The following SLC25A42 variants were observed in gnomAD, a reference collection of about 807,000 sequenced individuals.
The protein encoded by SLC25A42 is solute carrier family 25 member 42, also known as mitochondrial coenzyme A transporter SLC25A42.
Under a neutral mutation model 34.7 loss-of-function variants are expected in SLC25A42, and 19 were observed. That is an observed-to-expected ratio of 0.55 (90% CI 0.38 to 0.80). SLC25A42 has a LOEUF of 0.80. SLC25A42 is among the 30% of genes least tolerant of loss of function. The pLI, the probability that SLC25A42 is intolerant of heterozygous loss-of-function variation, is 0.00. For missense variants in SLC25A42, 364 were observed against 441.3 expected (o/e 0.82, Z 1.57); for synonymous variants, 205 against 191.2 (o/e 1.07, Z -0.59).
intron 1 of SLC25A42, among the ~76,000 whole-genome samples, chr19:19,070,940 G>A (rs1269684205): frequency 6.6e-6 from 1 of 150,976 alleles, no homozygotes; most frequent in Non-Finnish European, 1.5e-5. Flanking sequence ...GAAGGTGGAG[G>A]CATCCAGATG....
chr19:19,092,355 C>T (rs1183587963), intron 1 of SLC25A42, among the ~76,000 whole-genome samples: 1 of 152,246 alleles, frequency 6.6e-6, no homozygotes, highest in African/African-American at 2.4e-5. Flanking sequence ...TGCTCTGTCA[C>T]CTGCAGGGCC....
rs566597068 is a variant in SLC25A42 at position 19,081,023 on chromosome 19, T to C, written c.-34-15068T>C. Among the ~76,000 whole-genome samples, 131 of 151,624 alleles carry C rather than the reference T, an allele frequency of 8.6e-4. No individual in the cohort carries two copies. The highest frequency in any genetic ancestry group is 3.4e-3 in the Middle Eastern group (1 of 294). Reference sequence around the variant, plus strand: ...CTATTCAGGAAACTGAGGCAGGAGTTTGGGGAATCCCTTGAGCCCAGGAGT... The same window carrying C: ...CTATTCAGGAAACTGAGGCAGGAGTCTGGGGAATCCCTTGAGCCCAGGAGT... On this transcript the variant is annotated intron_variant, in intron 1 of 7. Transcript: ENST00000318596. This position sits in a 1 kb window ranked among gnomAD's most constrained non-coding sequence, Gnocchi z 4.5.
chr19:19,066,676 C>T (rs953829365), intron 1 of SLC25A42, among the ~76,000 whole-genome samples: 2 of 152,050 alleles, frequency 1.3e-5, no homozygotes, highest in African/African-American at 4.8e-5. Context: ...TGGTCTCGAT[C>T]TCCTGACCTT....
At chr19:19,083,705 A>T (rs2059692219) in intron 1 of SLC25A42, among the ~76,000 whole-genome samples, 1 of 151,486 alleles carries the variant, frequency 6.6e-6, no homozygotes. Context: ...AGCAGTGAGG[A>T]TGCAGAGCAG....
At chr19:19,107,138 C>T (rs2059835371) in intron 6 of SLC25A42, among the ~76,000 whole-genome samples, 1 of 151,558 alleles carries the variant, frequency 6.6e-6, no homozygotes, top group Non-Finnish European at 1.5e-5. Context: ...GGCAACATAG[C>T]AAGACCCCAT....
At chr19:19,080,172 C>T (rs539158927) in intron 1 of SLC25A42, among the ~76,000 whole-genome samples, 15 of 152,242 alleles carry the variant, frequency 9.9e-5, no homozygotes, top group African/African-American at 3.4e-4. Context: ...ATGAGGAGGC[C>T]GAGGTCCTGG....
At chr19:19,095,523 G>T (rs1319855874) in intron 1 of SLC25A42, among the ~76,000 whole-genome samples, 1 of 152,166 alleles carries the variant, frequency 6.6e-6, no homozygotes, top group Non-Finnish European at 1.5e-5. Context: ...TGAAGCACAA[G>T]AATTGCTTAA....
rs1156264390 is a variant in SLC25A42 at position 19,072,086 on chromosome 19, C to T, written c.-35+7971C>T. Among the ~76,000 whole-genome samples the T allele has an allele frequency of 4.6e-5, 7 of 152,030 alleles. No homozygotes were observed. In the South Asian group the frequency reaches 8.3e-4, roughly 18 times the overall value. ...CAGGCTGATCTCCAATTCCTGGGCT[C>T]GAGCTGTCCTCCCACCCCAGCCTCC... On this transcript the variant is annotated intron_variant, in intron 1 of 7. Coordinates refer to ENST00000318596, the MANE Select transcript of SLC25A42 (RefSeq NM_178526.5).
intron 1 of SLC25A42, among the ~76,000 whole-genome samples, chr19:19,064,930 G>A (rs1199043587): frequency 6.6e-6 from 1 of 152,124 alleles, no homozygotes; most frequent in Non-Finnish European, 1.5e-5. Context: ...CCGGACCTTA[G>A]AATAATCCCA....
chr19:19,104,092 T>C (rs1359347986), intron 3 of SLC25A42, among the ~76,000 whole-genome samples: 1 of 152,076 alleles, frequency 6.6e-6, no homozygotes, highest in Non-Finnish European at 1.5e-5. Flanking sequence ...TACTTTTTTT[T>C]AGTAGAGTCA....
chr19:19,098,368 C>T (rs143837965), intron 2 of SLC25A42, among the ~76,000 whole-genome samples: 14 of 152,282 alleles, frequency 9.2e-5, no homozygotes, highest in African/African-American at 2.4e-4. Flanking sequence ...CAGGCCAAGA[C>T]GGGAGGATTG....
At chr19:19,080,174 A>G (rs1436715910) in intron 1 of SLC25A42, among the ~76,000 whole-genome samples, 1 of 152,174 alleles carries the variant, frequency 6.6e-6, no homozygotes, top group Non-Finnish European at 1.5e-5. Flanking sequence ...GAGGAGGCCG[A>G]GGTCCTGGGA....
rs765700702 is a variant in SLC25A42, at chr19:19,110,630, C to T, written c.711C>T (p.Gly237=). 5.1e-5 allele frequency: 78 copies of T among 1,535,868 alleles called. No individual in the cohort carries two copies. The highest frequency in any genetic ancestry group is 6.6e-5 in the Non-Finnish European group (75 of 1,142,704). ...FERMIFGACA[G]LIGQSASYPL... ...GCATGATCTTCGGCGCCTGCGCTGG[C>T]CTCATCGGGCAGTCGGCCTCGTACC... is the stretch of plus-strand genomic sequence containing the variant. The change falls in exon 8 of 8, where the codon GGC becomes GGT. Residue 237 remains glycine (G), a synonymous_variant. Transcript: ENST00000318596.
chr19:19,082,397 C>A (rs2059685995), intron 1 of SLC25A42, among the ~76,000 whole-genome samples: 1 of 152,158 alleles, frequency 6.6e-6, no homozygotes. Context: ...CTTTCCTTTC[C>A]TGACAGAGTC....
intron 1 of SLC25A42, among the ~76,000 whole-genome samples, chr19:19,086,085 C>T (rs745869742): frequency 1.8e-4 from 28 of 152,226 alleles, no homozygotes; most frequent in Non-Finnish European, 2.5e-4. Flanking sequence ...AGACACCCAA[C>T]GTGTGTTTCC....
chr19:19,110,551 C>T lies in SLC25A42; in HGVS notation c.650-18C>T. The stretch of plus-strand genomic sequence containing the variant: ...CCCTCGCGGCGCCTTCACGGCCCTC[C>T]CGCCCCTCGCCCTGCAGAGTACAGC... On this transcript the variant is annotated intron_variant, in intron 7 of 7. Transcript: ENST00000318596. 1.4e-6 allele frequency: 2 copies of T among 1,382,192 alleles called. No homozygotes were observed. The highest frequency in any genetic ancestry group is 1.9e-6 in the Non-Finnish European group (2 of 1,075,778). The allele number at this position is 1,382,192 out of a possible 1,614,324, so 85.6% of individuals were successfully genotyped here. A position where few individuals can be genotyped will look rare whatever the true frequency, so the allele number is the denominator to read the frequency against.
At chr19:19,076,827 C>G (rs569950358) in intron 1 of SLC25A42, among the ~76,000 whole-genome samples, 6 of 152,238 alleles carry the variant, frequency 3.9e-5, no homozygotes, top group African/African-American at 1.2e-4. Flanking sequence ...TGATATACCC[C>G]CTAGAGGTAA....
intron 1 of SLC25A42, among the ~76,000 whole-genome samples, chr19:19,094,001 G>C (rs746259787): frequency 8.5e-5 from 13 of 152,166 alleles, no homozygotes; most frequent in Non-Finnish European, 1.8e-4. Context: ...GGTCAGATGG[G>C]GTGATGGATC....
intron 2 of SLC25A42, 49 bp downstream of exon 2, chr19:19,096,254 T>TCCCCCCCCCCCCCCCCCAGCCC (rs2059764867): frequency 7.0e-7 from 1 of 1,429,752 alleles, no homozygotes; most frequent in Non-Finnish European, 9.6e-7. Flanking sequence ...GGCCCCAGCC[T>TCCCCCCCCCCCCCCCCCAGCCC]CCCCACCCCC....
Sources: gnomAD v4.1 joint callset for allele counts (sites outside exome capture counted in the v4.1 genomes callset) on GRCh38, gnomAD v4.1.1 for gene constraint, Gnocchi (gnomAD v3.1) non-coding constraint, MANE v1.5 for transcripts, NCBI Gene and HGNC (gene_info 2026-07-23, HGNC 2026-07-21) for gene names.